VPS13D: variants seen among roughly 807,000 people sequenced by gnomAD.
VPS13D encodes vacuolar protein sorting 13 homolog D.
VPS13D carries 187 observed loss-of-function variants against 461.9 expected under a neutral mutation model. The observed-to-expected ratio is 0.40, with a 90% CI of 0.36 to 0.46. The LOEUF (loss-of-function observed/expected upper bound fraction) is 0.46. Among genes scored for constraint, VPS13D ranks in the 20% least tolerant of loss-of-function variants. The probability of loss-of-function intolerance (pLI) is 0.60; values close to 1 mark genes in which losing one functional copy is unlikely to be tolerated. For missense variants in VPS13D, 4,711 were observed against 5,364.9 expected, an observed-to-expected ratio of 0.88 and a Z score of 3.81; for synonymous variants, 1,951 against 1,986.3, an observed-to-expected ratio of 0.98 and a Z score of 0.47.
At chr1:12,328,759 C>T (rs1051718540) in intron 36 of VPS13D, among the ~76,000 whole-genome samples, 10 of 152,110 alleles carry the variant, frequency 6.6e-5, no homozygotes, top group African/African-American at 1.4e-4. Context: ...AGGCCTGTCT[C>T]GACCTCCTGA....
At position 12,373,464 on chromosome 1, in the gene VPS13D, T is replaced by C. The variant is rs377528528; in HGVS notation, c.10809-286T>C. Among the ~76,000 whole-genome samples, 20 of 151,922 alleles carry C rather than the reference T, an allele frequency of 1.3e-4. 1 individual carries two copies. The East Asian group carries it at 3.1e-3, about 23-fold the overall frequency. ...TTTGGTGGGGGGGCCTCTAAAGATA[T>C]ATGGTTATACTTTTGCATCTGAATT... On this transcript the variant is annotated intron_variant, in intron 54 of 69. Coordinates refer to ENST00000620676, the MANE Select transcript of VPS13D (RefSeq NM_015378.4).
At chr1:12,433,917 GGA>G (rs1255837665) in intron 65 of VPS13D, among the ~76,000 whole-genome samples, 46 of 143,312 alleles carry the variant, frequency 3.2e-4, no homozygotes, top group African/African-American at 1.1e-3. Context: ...TAGGGGGTGG[GGA>G]GAGAGAGAGA....
intron 67 of VPS13D, among the ~76,000 whole-genome samples, chr1:12,489,422 A>G (rs761148539): frequency 6.6e-6 from 1 of 152,246 alleles, no homozygotes; most frequent in Non-Finnish European, 1.5e-5. Flanking sequence ...CAATATCAAT[A>G]TAATTTCTAA....
At chr1:12,250,150 G>A (rs1014712780) in intron 6 of VPS13D, among the ~76,000 whole-genome samples, 5 of 152,210 alleles carry the variant, frequency 3.3e-5, no homozygotes, top group African/African-American at 1.2e-4. Flanking sequence ...GATAAAGAGG[G>A]CCACACCCCC....
chr1:12,427,175 C>T (rs1644933548), intron 65 of VPS13D, among the ~76,000 whole-genome samples: 1 of 151,080 alleles, frequency 6.6e-6, no homozygotes. Flanking sequence ...GTTGGTAAAG[C>T]ATTTAGATAT....
At chr1:12,297,013 A>G (rs1307195676) in intron 24 of VPS13D, among the ~76,000 whole-genome samples, 1 of 152,244 alleles carries the variant, frequency 6.6e-6, no homozygotes, top group Non-Finnish European at 1.5e-5. Context: ...ACATTGTTCA[A>G]TATGTAGGCT....
At position 12,267,927 on chromosome 1, in the gene VPS13D, T is replaced by G. The variant is rs749115302; in HGVS notation, c.1801+7T>G. 3 of 1,596,838 alleles carry G rather than the reference T, an allele frequency of 1.9e-6. No homozygotes were observed. The South Asian group carries it at 3.5e-5, about 19-fold the overall frequency. On this transcript the variant is annotated splice_region_variant and intron_variant, in intron 15 of 69. Transcript: ENST00000620676. ...AGAAGTGATCATTACCCAGGTAATT[T>G]GTCCTATGTTGTTTTTTTAAAATTT...
At chr1:12,468,907 G>A (rs562467801) in intron 67 of VPS13D, among the ~76,000 whole-genome samples, 1 of 151,928 alleles carries the variant, frequency 6.6e-6, no homozygotes, top group Non-Finnish European at 1.5e-5. Context: ...GGTGGCACGC[G>A]CCTGTGGTCC....
intron 28 of VPS13D, 25 bp downstream of exon 28, chr1:12,311,650 G>C: frequency 6.2e-7 from 1 of 1,612,678 alleles, no homozygotes; most frequent in Non-Finnish European, 8.5e-7. Flanking sequence ...ATGTTCTTCT[G>C]TCACTCTCAT....
At chr1:12,258,370 C>T (rs1404319858) in intron 10 of VPS13D, among the ~76,000 whole-genome samples, 1 of 152,134 alleles carries the variant, frequency 6.6e-6, no homozygotes, top group Non-Finnish European at 1.5e-5. Flanking sequence ...CCCTGCCCCC[C>T]AGCTCAAGAG....
At chr1:12,312,051 C>T in intron 29 of VPS13D, 126 bp downstream of exon 29, 45 of 626,996 alleles carry the variant, frequency 7.2e-5, no homozygotes, top group Middle Eastern at 4.7e-4. Context: ...TGCAGAGTGT[C>T]TTTTGGTTGA....
intron 67 of VPS13D, among the ~76,000 whole-genome samples, chr1:12,468,736 A>G (rs187381619): frequency 5.0e-4 from 76 of 152,336 alleles, no homozygotes; most frequent in Admixed American, 9.1e-4. Context: ...TCTTATCACA[A>G]TATACTCTAA....
chr1:12,454,819 G>A (rs956509854), intron 65 of VPS13D, among the ~76,000 whole-genome samples: 3 of 152,264 alleles, frequency 2.0e-5, no homozygotes, highest in African/African-American at 7.2e-5. Flanking sequence ...GAACATTCCT[G>A]TGAGTTTTCT....
chr1:12,278,566 C>T (rs889314714), intron 19 of VPS13D, among the ~76,000 whole-genome samples: 8 of 152,270 alleles, frequency 5.3e-5, no homozygotes, highest in South Asian at 2.1e-4. Context: ...TGACCAGCCG[C>T]GCCCAGGCAG....
chr1:12,476,546 A>G (rs1282114460), intron 67 of VPS13D, among the ~76,000 whole-genome samples: 2 of 152,246 alleles, frequency 1.3e-5, no homozygotes, highest in Non-Finnish European at 2.9e-5. Flanking sequence ...GAGATGTGGC[A>G]TATTATGACT....
chr1:12,390,108 G>T (rs921372298), intron 60 of VPS13D, among the ~76,000 whole-genome samples: 1 of 152,116 alleles, frequency 6.6e-6, no homozygotes, highest in African/African-American at 2.4e-5. Context: ...CCTCCCTCTG[G>T]AACTAAGACC....
chr1:12,308,008 T>C (rs1444482170), intron 26 of VPS13D, among the ~76,000 whole-genome samples: 1 of 152,150 alleles, frequency 6.6e-6, no homozygotes, highest in Non-Finnish European at 1.5e-5. Context: ...ATGGACGTGG[T>C]TACATGTGGC....
chr1:12,370,133 A>G (rs1055313934), intron 54 of VPS13D, among the ~76,000 whole-genome samples: 4 of 152,198 alleles, frequency 2.6e-5, no homozygotes, highest in African/African-American at 9.6e-5. Context: ...AAAGCCAAAT[A>G]TAGTAGCTTA....
chr1:12,481,566 T>G (rs933920772), intron 67 of VPS13D, among the ~76,000 whole-genome samples: 2 of 152,248 alleles, frequency 1.3e-5, no homozygotes, highest in South Asian at 2.1e-4. Context: ...CTGATTTTTA[T>G]GAAGGCACAG....
Sources: gnomAD v4.1 joint callset for allele counts (sites outside exome capture counted in the v4.1 genomes callset) on GRCh38, gnomAD v4.1.1 for gene constraint, MANE v1.5 for transcripts, NCBI Gene and HGNC (gene_info 2026-07-23, HGNC 2026-07-21) for gene names.